Variants in EGLN1 observed in about 807,000 individuals in gnomAD.
EGLN1 encodes egl nine homolog 1.
A neutral mutation model predicts 38.3 loss-of-function variants in EGLN1; 17 were observed. That is an observed-to-expected ratio of 0.44 (90% confidence interval 0.30 to 0.67). The LOEUF (loss-of-function observed/expected upper bound fraction) is 0.67. EGLN1 is among the 30% of genes least tolerant of loss of function. The probability of loss-of-function intolerance (pLI) is 0.08; values close to 1 mark genes in which losing one functional copy is unlikely to be tolerated. For missense variants in EGLN1, 477 were observed against 603.3 expected, an observed-to-expected ratio of 0.79 and a Z score of 2.19; for synonymous variants, 283 against 257.5, an observed-to-expected ratio of 1.10 and a Z score of -0.95.
At chr1:231,373,934 A>C (rs1179590600) in intron 2 of EGLN1, 46 bp downstream of exon 2, 1 of 1,608,808 alleles carries the variant, frequency 6.2e-7, no homozygotes, top group Non-Finnish European at 8.5e-7. Flanking sequence ...CTTTTGAGAA[A>C]AAGACACCTG....
intron 1 of EGLN1, among the ~76,000 whole-genome samples, chr1:231,389,708 G>C (rs964641183): frequency 6.6e-6 from 1 of 152,160 alleles, no homozygotes; most frequent in Non-Finnish European, 1.5e-5. Context: ...CAGCACTTTG[G>C]GGGGCCGAGG....
Position 231,373,977 on chromosome 1 carries a change from T to A in EGLN1, c.1011+3A>T. 1 of 1,613,788 alleles carries A rather than the reference T, an allele frequency of 6.2e-7. No homozygotes were observed. Among genetic ancestry groups the A allele is most frequent in the South Asian group, 1.1e-5 (1 of 91,070 alleles). ...AAAATAAATGCTCAATTAAGTTGCA[T>A]ACCTTGGCATCCCAGTCTTTATTAA... On this transcript the variant is annotated splice_donor_region_variant and intron_variant, in intron 2 of 4. Transcript: ENST00000366641.
intron 1 of EGLN1, among the ~76,000 whole-genome samples, chr1:231,382,104 CA>C (rs1688092049): frequency 6.6e-6 from 1 of 152,182 alleles, no homozygotes; most frequent in African/African-American, 2.4e-5. Context: ...ACAAACAGAA[CA>C]AAACACTTAG....
Position 231,404,606 on chromosome 1 carries a change from C to T in EGLN1, c.891+16392G>A, listed in dbSNP as rs143564688. On this transcript the variant is annotated intron_variant, in intron 1 of 4. Coordinates refer to ENST00000366641, the MANE Select transcript of EGLN1 (RefSeq NM_022051.3). ...CATCCTGGGCAACATAGCAAGACCC[C>T]GTCTCTAAAAAAAAAATTTTTTTTT... 6.0e-3 allele frequency among the ~76,000 whole-genome samples: 911 copies of T among 151,584 alleles called. 4 individuals are homozygous for T. Among genetic ancestry groups the T allele is most frequent in the Middle Eastern group, 0.031 (9 of 294 alleles).
intron 1 of EGLN1, among the ~76,000 whole-genome samples, chr1:231,397,997 T>C (rs1025404992): frequency 6.6e-6 from 1 of 152,194 alleles, no homozygotes; most frequent in Non-Finnish European, 1.5e-5. Flanking sequence ...TAGGACTGTA[T>C]TGATAACACA....
chr1:231,396,949 C>T (rs955112213), intron 1 of EGLN1, among the ~76,000 whole-genome samples: 3 of 152,216 alleles, frequency 2.0e-5, no homozygotes, highest in Non-Finnish European at 4.4e-5. Context: ...CCAATACCTA[C>T]ATCTTAAAAG....
chr1:231,384,355 A>T (rs1170567224), intron 1 of EGLN1, among the ~76,000 whole-genome samples: 1 of 152,114 alleles, frequency 6.6e-6, no homozygotes, highest in Non-Finnish European at 1.5e-5. Flanking sequence ...GAAAAAATTA[A>T]GTCAATATAT....
intron 1 of EGLN1, among the ~76,000 whole-genome samples, chr1:231,382,938 A>G (rs1688108811): frequency 6.6e-6 from 1 of 151,776 alleles, no homozygotes; most frequent in Admixed American, 6.6e-5. Flanking sequence ...CACGCCTGTA[A>G]TCCCAGCTAC....
intron 1 of EGLN1, among the ~76,000 whole-genome samples, chr1:231,404,559 C>T (rs1688740318): frequency 6.6e-6 from 1 of 151,922 alleles, no homozygotes; most frequent in Non-Finnish European, 1.5e-5. Flanking sequence ...AGGAGGATTG[C>T]TTGAGGTCAT....
chr1:231,373,843 A>C, intron 2 of EGLN1, 137 bp downstream of exon 2: 113 of 935,324 alleles, frequency 1.2e-4, no homozygotes, highest in Middle Eastern at 3.3e-4. Context: ...TCCACTCCTA[A>C]TACCTGAGAC....
Position 231,367,686 on chromosome 1 carries a change from A to C in EGLN1, c.1149-50T>G, listed in dbSNP as rs1448186541. The C allele has an allele frequency of 2.6e-6, 4 of 1,559,242 alleles. No homozygotes were observed. In the African/African-American group the frequency reaches 5.4e-5, roughly 21 times the overall value. On this transcript the variant is annotated intron_variant, in intron 3 of 4. Coordinates refer to ENST00000366641, the MANE Select transcript of EGLN1 (RefSeq NM_022051.3). ...AAGAATGATCACACTGCGGGGAAAA[A>C]GTGGTATTTTGCTGCAATGGTATAT...
intron 1 of EGLN1, among the ~76,000 whole-genome samples, chr1:231,391,081 CTGT>C (rs1558387015): frequency 1.7e-5 from 1 of 60,216 alleles, no homozygotes; most frequent in African/African-American, 6.2e-5. Context: ...GGAACTCATT[CTGT>C]TTTTTTTTTG....
chr1:231,383,197 CAG>C (rs1242870268), intron 1 of EGLN1, among the ~76,000 whole-genome samples: 2 of 151,596 alleles, frequency 1.3e-5, no homozygotes, highest in Non-Finnish European at 1.5e-5. Context: ...TGGCAGAACT[CAG>C]TGTGAGTTTT....
chr1:231,417,309 T>C (rs1418248787), intron 1 of EGLN1, among the ~76,000 whole-genome samples: 2 of 152,238 alleles, frequency 1.3e-5, no homozygotes, highest in Non-Finnish European at 2.9e-5. Context: ...CTTTTCTTTA[T>C]GTATGTTTTA....
In EGLN1 at chr1:231,366,224, G is replaced by A. The variant is rs1401047252; in HGVS notation, c.*187C>T. On this transcript the variant is annotated 3_prime_UTR_variant, in exon 5 of 5. Transcript: ENST00000366641. Reference sequence around the variant, plus strand: ...TGTAAGCAATCACAGATTTGAAGTTGATCATGCAGTACAAAGTCACAGCAG... The same window carrying A: ...TGTAAGCAATCACAGATTTGAAGTTAATCATGCAGTACAAAGTCACAGCAG... The A allele has an allele frequency of 2.1e-5, 13 of 632,622 alleles. No homozygotes were observed. The Admixed American group carries it at 3.7e-4, about 18-fold the overall frequency. The allele number at this position is 632,622 out of a possible 1,614,324, so 39.2% of individuals were successfully genotyped here.
chr1:231,399,094 A>T lies in EGLN1; in HGVS notation c.891+21904T>A, dbSNP rs557277806. Among the ~76,000 whole-genome samples the T allele has an allele frequency of 3.9e-5, 6 of 152,340 alleles. No individual in the cohort carries two copies. In the South Asian group the frequency reaches 1.2e-3, roughly 32 times the overall value. On this transcript the variant is annotated intron_variant, in intron 1 of 4. Coordinates refer to ENST00000366641, the MANE Select transcript of EGLN1 (RefSeq NM_022051.3). ...CTTAACAGTGCAAGAAGGAAATCTA[A>T]CTAGAGAAATAGAGTTAGGCATCAA... is the stretch of plus-strand genomic sequence containing the variant.
intron 1 of EGLN1, among the ~76,000 whole-genome samples, chr1:231,396,479 T>G (rs1471060732): frequency 6.6e-6 from 1 of 152,072 alleles, no homozygotes; most frequent in Non-Finnish European, 1.5e-5. Context: ...GTCTCGATCT[T>G]TTGGCCTTGA....
At chr1:231,397,446 C>G (rs1201527606) in intron 1 of EGLN1, among the ~76,000 whole-genome samples, 1 of 152,214 alleles carries the variant, frequency 6.6e-6, no homozygotes, top group African/African-American at 2.4e-5. Flanking sequence ...CAAACTATAG[C>G]CTGCAGGCCA....
Position 231,421,945 on chromosome 1 carries a change from C to T in EGLN1, c.-57G>A. 7.5e-7 allele frequency: 1 copy of T among 1,338,520 alleles called. No individual in the cohort carries two copies. The highest frequency in any genetic ancestry group is 9.5e-7 in the Non-Finnish European group (1 of 1,055,680). 82.9% of individuals were successfully genotyped at this position (1,338,520 alleles called of 1,614,324 possible). ...GCGGCCGAGCAGGAGGGGTAGCGGCCGGACGGCCTCGCCCGAGGCTGGGGA... is the reference window on the plus strand; with the variant it reads ...GCGGCCGAGCAGGAGGGGTAGCGGCTGGACGGCCTCGCCCGAGGCTGGGGA... On this transcript the variant is annotated 5_prime_UTR_variant, in exon 1 of 5. Coordinates refer to ENST00000366641, the MANE Select transcript of EGLN1 (RefSeq NM_022051.3). The surrounding 1 kb of genome is among the most constrained non-coding windows in gnomAD (Gnocchi z 5.5).
Sources: gnomAD v4.1 joint callset for allele counts (sites outside exome capture counted in the v4.1 genomes callset) on GRCh38, gnomAD v4.1.1 for gene constraint, Gnocchi (gnomAD v3.1) non-coding constraint, MANE v1.5 for transcripts, NCBI Gene and HGNC (gene_info 2026-07-23, HGNC 2026-07-21) for gene names.